Variants in GRXCR1 observed in about 807,000 individuals in gnomAD.
GRXCR1 encodes glutaredoxin and cysteine rich domain containing 1, also known as glutaredoxin domain-containing cysteine-rich protein 1.
GRXCR1 carries 27 observed loss-of-function variants against 27.3 expected under a neutral mutation model. That is an observed-to-expected ratio of 0.99 (90% CI 0.73 to 1.37). The LOEUF (loss-of-function observed/expected upper bound fraction) is 1.37, where lower values mean the gene tolerates loss of function less well. Among genes scored for constraint, GRXCR1 ranks in the 40% most tolerant of loss-of-function variants. The probability of loss-of-function intolerance (pLI) is 0.00; values close to 1 mark genes in which losing one functional copy is unlikely to be tolerated. For missense variants in GRXCR1, 379 were observed against 354.4 expected, an observed-to-expected ratio of 1.07 and a Z score of -0.56; for synonymous variants, 122 against 131.1, an observed-to-expected ratio of 0.93 and a Z score of 0.47.
At chr4:42,987,090 G>T (rs909824941) in intron 2 of GRXCR1, among the ~76,000 whole-genome samples, 1 of 149,668 alleles carries the variant, frequency 6.7e-6, no homozygotes, top group Admixed American at 6.8e-5. Context: ...TACTATGCTA[G>T]TTGTGCTAAG....
chr4:42,934,924 A>G (rs1341042383), intron 1 of GRXCR1, among the ~76,000 whole-genome samples: 1 of 151,878 alleles, frequency 6.6e-6, no homozygotes, highest in Non-Finnish European at 1.5e-5. Flanking sequence ...TGCAATGAAC[A>G]TTTCCTCCCC....
At chr4:43,015,947 C>G (rs10032525) in intron 2 of GRXCR1, among the ~76,000 whole-genome samples, 15,058 of 151,980 alleles carry the variant, frequency 0.099, 1,544 homozygotes, top group African/African-American at 0.27. Context: ...GAATTCCAGA[C>G]CCTGGATATC....
At chr4:43,011,973 C>T (rs1187720950) in intron 2 of GRXCR1, among the ~76,000 whole-genome samples, 1 of 152,210 alleles carries the variant, frequency 6.6e-6, no homozygotes, top group Non-Finnish European at 1.5e-5. Flanking sequence ...AGAGCCCATT[C>T]AAGTTGGAAC....
At chr4:43,020,287 G>T (rs1026421860) in intron 2 of GRXCR1, 67 bp from the exon 3 acceptor site, 36 of 1,029,920 alleles carry the variant, frequency 3.5e-5, no homozygotes, top group Admixed American at 1.5e-4. Context: ...AGCTTTCCTT[G>T]TTAGAACTTT....
intron 2 of GRXCR1, among the ~76,000 whole-genome samples, chr4:42,988,791 G>A (rs1310462225): frequency 6.6e-6 from 1 of 152,158 alleles, no homozygotes; most frequent in South Asian, 2.1e-4. Flanking sequence ...TGAGGCAAGT[G>A]TATATATGGA....
intron 2 of GRXCR1, among the ~76,000 whole-genome samples, chr4:42,967,937 G>T (rs1337252375): frequency 1.3e-5 from 2 of 152,058 alleles, no homozygotes; most frequent in Non-Finnish European, 2.9e-5. Context: ...TTGGGAACAG[G>T]TACTATTTTA....
chr4:42,941,925 T>C (rs992106598), intron 1 of GRXCR1, among the ~76,000 whole-genome samples: 5 of 152,008 alleles, frequency 3.3e-5, no homozygotes, highest in Non-Finnish European at 7.4e-5. Context: ...TATAGAAAGG[T>C]CAATTTAGGA....
intron 2 of GRXCR1, among the ~76,000 whole-genome samples, chr4:42,966,055 A>T (rs1038508562): frequency 1.3e-5 from 2 of 152,034 alleles, no homozygotes; most frequent in Non-Finnish European, 2.9e-5. Context: ...GGAAAAAAAA[A>T]TACTTTAGAA....
rs1036011973 is a variant in GRXCR1 at position 42,904,060 on chromosome 4, G to C, written c.384+10410G>C. ...GATCCTCCATGTAGGAATGGACAGG[G>C]AGTTCTGTACTAGACATCATTCAGG... On this transcript the variant is annotated intron_variant, in intron 1 of 3. Transcript: ENST00000399770. Among the ~76,000 whole-genome samples, 4 of 152,264 alleles carry C rather than the reference G, an allele frequency of 2.6e-5. No homozygotes were observed. The South Asian group carries it at 8.3e-4, about 32-fold the overall frequency.
intron 2 of GRXCR1, among the ~76,000 whole-genome samples, chr4:42,972,566 T>G (rs1040151288): frequency 2.6e-5 from 4 of 152,170 alleles, no homozygotes; most frequent in Non-Finnish European, 5.9e-5. Context: ...ATAAGAACAA[T>G]GACAATGATA....
At chr4:42,956,445 G>A (rs1027778149) in intron 1 of GRXCR1, among the ~76,000 whole-genome samples, 2 of 151,490 alleles carry the variant, frequency 1.3e-5, no homozygotes, top group Non-Finnish European at 2.9e-5. Context: ...AAATGTAGAA[G>A]AGGAGGATTT....
chr4:43,003,079 C>G (rs114148982), intron 2 of GRXCR1, among the ~76,000 whole-genome samples: 1 of 152,164 alleles, frequency 6.6e-6, no homozygotes, highest in Admixed American at 6.5e-5. Context: ...CTTTCTTCCC[C>G]CTTTGCCTTC....
chr4:42,947,190 G>A (rs1377055307), intron 1 of GRXCR1, among the ~76,000 whole-genome samples: 2 of 152,102 alleles, frequency 1.3e-5, no homozygotes, highest in Non-Finnish European at 2.9e-5. Flanking sequence ...TGAAATTTTG[G>A]ACGAGGTCAT....
chr4:43,028,358 T>C (rs1713321675), intron 3 of GRXCR1, among the ~76,000 whole-genome samples: 1 of 152,226 alleles, frequency 6.6e-6, no homozygotes, highest in Non-Finnish European at 1.5e-5. Flanking sequence ...GAAATTCAAA[T>C]TTAACTGAGC....
At chr4:42,971,035 A>C (rs1000328147) in intron 2 of GRXCR1, among the ~76,000 whole-genome samples, 2 of 152,040 alleles carry the variant, frequency 1.3e-5, no homozygotes, top group Non-Finnish European at 2.9e-5. Flanking sequence ...CTAAATCATC[A>C]ATTTCTAGTT....
At chr4:42,969,143 A>C (rs1027860385) in intron 2 of GRXCR1, among the ~76,000 whole-genome samples, 2 of 152,154 alleles carry the variant, frequency 1.3e-5, no homozygotes, top group Non-Finnish European at 2.9e-5. Flanking sequence ...AATTATATAA[A>C]ATAATAACTA....
At chr4:42,960,239 C>G (rs1748101118) in intron 1 of GRXCR1, among the ~76,000 whole-genome samples, 1 of 151,858 alleles carries the variant, frequency 6.6e-6, no homozygotes, top group South Asian at 2.1e-4. Flanking sequence ...GTAAATGTAC[C>G]TATTCGAAGT....
chr4:42,924,842 G>T (rs1203048354), intron 1 of GRXCR1, among the ~76,000 whole-genome samples: 1 of 152,046 alleles, frequency 6.6e-6, no homozygotes, highest in African/African-American at 2.4e-5. Flanking sequence ...ACAGGTAAGG[G>T]CAAGAGTAAG....
chr4:42,987,216 T>TAC (rs1442681185), intron 2 of GRXCR1, among the ~76,000 whole-genome samples: 2 of 25,412 alleles, frequency 7.9e-5, no homozygotes, highest in Non-Finnish European at 1.3e-4. Context: ...ATATATTATA[T>TAC]ATATATTATA....
Sources: gnomAD v4.1 joint callset for allele counts (sites outside exome capture counted in the v4.1 genomes callset) on GRCh38, gnomAD v4.1.1 for gene constraint, MANE v1.5 for transcripts, NCBI Gene and HGNC (gene_info 2026-07-23, HGNC 2026-07-21) for gene names.